FBXO34: variants seen among roughly 807,000 people sequenced by gnomAD.
FBXO34 encodes the protein F-box protein 34.
A neutral mutation model predicts 24.5 loss-of-function variants in FBXO34; 12 were observed. That is an observed-to-expected ratio of 0.49 (90% confidence interval 0.31 to 0.79). The LOEUF (loss-of-function observed/expected upper bound fraction) is 0.79, where lower values mean the gene tolerates loss of function less well. Among genes scored for constraint, FBXO34 ranks in the 30% least tolerant of loss-of-function variants. FBXO34 has a pLI of 0.04. For missense variants in FBXO34, 823 were observed against 857.7 expected (o/e 0.96, Z 0.51); for synonymous variants, 320 against 311.9 (o/e 1.03, Z -0.27).
At chr14:55,375,000 A>G (rs1358344463), downstream of FBXO34, among the ~76,000 whole-genome samples, 1 of 152,200 alleles carries the variant, frequency 6.6e-6, no homozygotes, top group Non-Finnish European at 1.5e-5. Flanking sequence ...TCAGCTTGTC[A>G]AAGCTCCATG....
At chr14:55,371,881 G>C (rs1383377545), downstream of FBXO34, among the ~76,000 whole-genome samples, 6 of 152,156 alleles carry the variant, frequency 3.9e-5, no homozygotes, top group Non-Finnish European at 8.8e-5. Context: ...CTGCCCAGAA[G>C]TCAGTATTTT....
chr14:55,436,830 C>G, the FBXO34 span: 1 of 1,614,234 alleles, frequency 6.2e-7, no homozygotes, highest in Non-Finnish European at 8.5e-7. Context: ...TAATGACAGG[C>G]TGGTCTTTAT....
intron 1 of FBXO34, among the ~76,000 whole-genome samples, chr14:55,347,537 A>T (rs1217170041): frequency 6.6e-6 from 1 of 152,094 alleles, no homozygotes; most frequent in Non-Finnish European, 1.5e-5. Context: ...CTGGTGCCTA[A>T]ATGTCCTGCT....
the FBXO34 span, among the ~76,000 whole-genome samples, chr14:55,427,880 C>CTTT: frequency 2.6e-4 from 34 of 130,896 alleles, 1 homozygote; most frequent in African/African-American, 8.9e-4. Flanking sequence ...GTTAGGATTG[C>CTTT]TTTTTTTTTT....
the FBXO34 span, among the ~76,000 whole-genome samples, chr14:55,412,482 C>T: frequency 6.6e-6 from 1 of 152,128 alleles, no homozygotes; most frequent in African/African-American, 2.4e-5. Flanking sequence ...GCTAACGTAC[C>T]TTCCCTACCC....
At chr14:55,326,925 T>A (rs1883360451) in intron 1 of FBXO34, among the ~76,000 whole-genome samples, 1 of 152,170 alleles carries the variant, frequency 6.6e-6, no homozygotes, top group Admixed American at 6.6e-5. Flanking sequence ...ACGTTATTAT[T>A]TTGGGCCTGT....
chr14:55,294,596 AAGTT>A (rs1244040968), intron 1 of FBXO34, among the ~76,000 whole-genome samples: 1 of 152,212 alleles, frequency 6.6e-6, no homozygotes, highest in African/African-American at 2.4e-5. Context: ...TAACGTAAGA[AAGTT>A]AGCTATAAAA....
chr14:55,369,975 C>A (rs780124621), downstream of FBXO34: 76 of 1,512,402 alleles, frequency 5.0e-5, no homozygotes, highest in Non-Finnish European at 6.6e-5. Context: ...ATTCTCAACA[C>A]CAGAAAATAT....
chr14:55,417,049 G>A, the FBXO34 span, among the ~76,000 whole-genome samples: 9 of 152,212 alleles, frequency 5.9e-5, no homozygotes, highest in African/African-American at 1.9e-4. Flanking sequence ...CCCCTGGGGG[G>A]CGCCCTTTCC....
rs1325096429 is a variant in FBXO34, at chr14:55,309,360, C to T, written c.-11+37823C>T. Among the ~76,000 whole-genome samples, 4 of 152,070 alleles carry T rather than the reference C, an allele frequency of 2.6e-5. No individual in the cohort carries two copies. The East Asian group carries it at 7.7e-4, about 29-fold the overall frequency. On this transcript the variant is annotated intron_variant, in intron 1 of 1. Coordinates refer to ENST00000313833, the MANE Select transcript of FBXO34 (RefSeq NM_017943.4). The stretch of plus-strand genomic sequence containing the variant: ...ACAGCAATGTCTCAGGTTTCCAGAA[C>T]GATGGGCTATGATTGTGTCACCTTC...
intron 1 of FBXO34, among the ~76,000 whole-genome samples, chr14:55,276,094 T>C (rs1187213739): frequency 6.6e-6 from 1 of 152,170 alleles, no homozygotes. Flanking sequence ...ATTAGAAGCA[T>C]AGAAAAGAGG....
the FBXO34 span, among the ~76,000 whole-genome samples, chr14:55,386,626 G>A: frequency 6.6e-6 from 1 of 152,180 alleles, no homozygotes; most frequent in African/African-American, 2.4e-5. Context: ...CAACCAGCAG[G>A]GTGGGTGGGA....
At chr14:55,337,551 C>T (rs1019835662) in intron 1 of FBXO34, among the ~76,000 whole-genome samples, 1 of 152,098 alleles carries the variant, frequency 6.6e-6, no homozygotes, top group African/African-American at 2.4e-5. Context: ...GCTTTTATTG[C>T]TAAGTTGATT....
At chr14:55,394,551 CT>C in the FBXO34 span, among the ~76,000 whole-genome samples, 91 of 152,312 alleles carry the variant, frequency 6.0e-4, no homozygotes, top group Non-Finnish European at 1.1e-3. Context: ...CAATTCACAA[CT>C]GAATAGCATG....
chr14:55,389,164 T>C, the FBXO34 span, among the ~76,000 whole-genome samples: 1 of 152,180 alleles, frequency 6.6e-6, no homozygotes, highest in South Asian at 2.1e-4. Context: ...TTTTGGGAGT[T>C]AGGAATGTGT....
the FBXO34 span, among the ~76,000 whole-genome samples, chr14:55,375,079 C>T: frequency 6.6e-6 from 1 of 152,210 alleles, no homozygotes; most frequent in Admixed American, 6.5e-5. Context: ...CCTGGAAAAT[C>T]ATAAGGGTTT....
the FBXO34 span, among the ~76,000 whole-genome samples, chr14:55,383,821 A>G: frequency 1.3e-5 from 2 of 151,874 alleles, no homozygotes; most frequent in South Asian, 4.2e-4. Context: ...AGTGAGGGGG[A>G]AGAACATAGC....
the FBXO34 span, among the ~76,000 whole-genome samples, chr14:55,405,212 C>T: frequency 6.6e-5 from 10 of 152,182 alleles, no homozygotes; most frequent in East Asian, 1.9e-4. Context: ...TAGATTTTTA[C>T]GGGCCACAGT....
the FBXO34 span, chr14:55,413,569 T>G: frequency 1.8e-5 from 8 of 441,702 alleles, no homozygotes; most frequent in Non-Finnish European, 3.2e-5. Context: ...TGCCATGAAC[T>G]CATAGGGAAT....
Sources: allele counts gnomAD v4.1 joint callset (sites outside exome capture counted in the v4.1 genomes callset), GRCh38; gene constraint gnomAD v4.1.1; transcripts MANE v1.5; gene names NCBI Gene and HGNC (gene_info 2026-07-23, HGNC 2026-07-21).